Variants in PREX2 observed in about 807,000 individuals in gnomAD.
PREX2 encodes phosphatidylinositol-3,4,5-trisphosphate dependent Rac exchange factor 2.
A neutral mutation model predicts 203.2 loss-of-function variants in PREX2; 107 were observed. That is an observed-to-expected ratio of 0.53 (90% CI 0.45 to 0.62). The LOEUF (loss-of-function observed/expected upper bound fraction) is 0.62, where lower values mean the gene tolerates loss of function less well. PREX2 is among the 20% of genes least tolerant of loss of function. The pLI is 0.00. For synonymous variants in PREX2, 672 were observed against 663.6 expected (o/e 1.01, Z -0.19); for missense variants, 1,777 against 1,955.9 (o/e 0.91, Z 1.72).
At chr8:68,130,991 A>T (rs1025114847) in intron 31 of PREX2, among the ~76,000 whole-genome samples, 1 of 152,214 alleles carries the variant, frequency 6.6e-6, no homozygotes, top group East Asian at 1.9e-4. Context: ...AGGGCATGCA[A>T]TGCATCTGGA....
At chr8:68,204,915 T>A (rs1369112288) in intron 37 of PREX2, among the ~76,000 whole-genome samples, 1 of 151,898 alleles carries the variant, frequency 6.6e-6, no homozygotes, top group Non-Finnish European at 1.5e-5. Flanking sequence ...TCTCCTGACC[T>A]CGTGATCCGC....
chr8:68,005,205 G>C (rs553157222), intron 1 of PREX2, among the ~76,000 whole-genome samples: 2 of 152,236 alleles, frequency 1.3e-5, no homozygotes, highest in African/African-American at 4.8e-5. Context: ...CAGCAACCTT[G>C]ATTTCTCTCT....
intron 34 of PREX2, among the ~76,000 whole-genome samples, chr8:68,154,356 A>G (rs1811499792): frequency 6.6e-6 from 1 of 152,234 alleles, no homozygotes. Context: ...ATTCTTTCTC[A>G]TTAACCATAA....
intron 23 of PREX2, among the ~76,000 whole-genome samples, chr8:68,100,642 G>T (rs917959692): frequency 6.6e-6 from 1 of 152,190 alleles, no homozygotes; most frequent in Non-Finnish European, 1.5e-5. Context: ...GTGGCCAGAG[G>T]TTGGTGGCCG....
At chr8:68,104,329 T>C (rs1174982513) in intron 23 of PREX2, among the ~76,000 whole-genome samples, 1 of 152,156 alleles carries the variant, frequency 6.6e-6, no homozygotes, top group Non-Finnish European at 1.5e-5. Flanking sequence ...TCAGGATCTG[T>C]GCCCTCCCTG....
intron 23 of PREX2, chr8:68,105,012 T>C (rs1810365773): frequency 1.6e-6 from 1 of 622,700 alleles, no homozygotes; most frequent in South Asian, 1.8e-5. Context: ...GATTAATGAG[T>C]TCAGTGTTTC....
intron 35 of PREX2, among the ~76,000 whole-genome samples, chr8:68,159,042 A>G (rs1222076633): frequency 6.6e-6 from 1 of 152,200 alleles, no homozygotes; most frequent in Admixed American, 6.5e-5. Context: ...TAAAAATAAA[A>G]TTTGAATGCC....
intron 7 of PREX2, among the ~76,000 whole-genome samples, chr8:68,043,999 T>G (rs991900902): frequency 1.3e-5 from 2 of 152,060 alleles, no homozygotes; most frequent in Non-Finnish European, 1.5e-5. Flanking sequence ...AAAAATATGA[T>G]AGGAGAAATA....
chr8:68,030,517 A>G lies in PREX2; in HGVS notation c.564A>G (p.Pro188=), dbSNP rs936412556. Residue 188 remains proline, a synonymous_variant, in exon 6 of 40, where the codon CCA becomes CCG. Transcript: ENST00000288368. ...AACAGGAGTTGCTGAAGCGGACTCC[A>G]CGGAAACACAGTGACTATGCAGCAG... ...LILKELLKRT[P]RKHSDYAAVM... 1 of 1,613,302 alleles carries G rather than the reference A, an allele frequency of 6.2e-7. No individual in the cohort carries two copies. The highest frequency in any genetic ancestry group is 8.5e-7 in the Non-Finnish European group (1 of 1,179,458).
intron 27 of PREX2, chr8:68,118,878 C>G (rs1163989858): frequency 1.5e-6 from 1 of 649,502 alleles, no homozygotes; most frequent in East Asian, 3.3e-5. Flanking sequence ...TTGTAATCTT[C>G]AGATATGCTC....
At chr8:68,102,930 C>T (rs746275568) in intron 23 of PREX2, 16 of 517,672 alleles carry the variant, frequency 3.1e-5, no homozygotes, top group South Asian at 1.5e-4. Flanking sequence ...GGGGACAATT[C>T]GGAAGTAAAA....
At chr8:68,015,856 C>T (rs1365152393) in intron 1 of PREX2, among the ~76,000 whole-genome samples, 1 of 152,098 alleles carries the variant, frequency 6.6e-6, no homozygotes, top group Non-Finnish European at 1.5e-5. Flanking sequence ...ACCAATTATC[C>T]TTAACTTTAG....
chr8:68,054,591 G>A (rs1230373355), intron 9 of PREX2, among the ~76,000 whole-genome samples: 4 of 152,228 alleles, frequency 2.6e-5, no homozygotes, highest in African/African-American at 2.4e-5. Context: ...TCAACAGTTC[G>A]TCATCAGTCC....
Position 68,024,281 on chromosome 8 carries a change from T to C in PREX2, c.441+2141T>C, listed in dbSNP as rs374551231. Among the ~76,000 whole-genome samples the C allele has an allele frequency of 7.9e-5, 12 of 152,194 alleles. No homozygotes were observed. The East Asian group carries it at 1.7e-3, about 22-fold the overall frequency. ...TGATTCAATTATTGAGAATGAGATA[T>C]TGAAATCTCCATGTATAATTAAATT... On this transcript the variant is annotated intron_variant, in intron 4 of 39. Coordinates refer to ENST00000288368, the MANE Select transcript of PREX2 (RefSeq NM_024870.4).
chr8:68,220,566 C>T (rs1812933951), intron 38 of PREX2, among the ~76,000 whole-genome samples: 1 of 152,114 alleles, frequency 6.6e-6, no homozygotes, highest in Admixed American at 6.5e-5. Flanking sequence ...CTTGCCTTAT[C>T]TCATGGTGGA....
rs760556079 is a variant in PREX2 at position 68,097,201 on chromosome 8, G to C, written c.2553G>C (p.Lys851Asn). ...AAGGTTTCTTCAGCTTAACTGCCAA[G>C]GTAGGAGCGATGCTGAAGAAATAAG... ...EPKGFFSLTA[K>N]ILEALAKSDE... The change falls in exon 22 of 40, where the codon AAG becomes AAC. Residue 851 changes from lysine (K) to asparagine (N), a missense_variant and splice_region_variant. Transcript: ENST00000288368. 17 of 1,607,954 alleles carry C rather than the reference G, an allele frequency of 1.1e-5. No individual in the cohort carries two copies. Among genetic ancestry groups the C allele is most frequent in the Non-Finnish European group, 1.3e-5 (15 of 1,175,894 alleles).
intron 37 of PREX2, among the ~76,000 whole-genome samples, chr8:68,194,413 C>T (rs1812354355): frequency 6.6e-6 from 1 of 152,048 alleles, no homozygotes; most frequent in African/African-American, 2.4e-5. Context: ...ATTGAATTAG[C>T]ATTAATATCT....
chr8:68,221,605 G>T (rs747457894), intron 38 of PREX2, among the ~76,000 whole-genome samples: 11 of 152,116 alleles, frequency 7.2e-5, no homozygotes, highest in Non-Finnish European at 1.6e-4. Context: ...AAGGGAAGGG[G>T]GCAGGAAGAG....
intron 8 of PREX2, among the ~76,000 whole-genome samples, chr8:68,048,251 A>C (rs929972825): frequency 6.6e-6 from 1 of 152,090 alleles, no homozygotes; most frequent in Admixed American, 6.6e-5. Context: ...TTGGAAAGCT[A>C]TTGAACTTCC....
Sources: gnomAD v4.1 joint callset for allele counts (sites outside exome capture counted in the v4.1 genomes callset) on GRCh38, gnomAD v4.1.1 for gene constraint, MANE v1.5 for transcripts, NCBI Gene and HGNC (gene_info 2026-07-23, HGNC 2026-07-21) for gene names.